Variants in L3MBTL4 observed in about 807,000 individuals in gnomAD.
The protein encoded by L3MBTL4 is lethal(3)malignant brain tumor-like protein 4.
L3MBTL4 carries 70 observed loss-of-function variants against 84.5 expected under a neutral mutation model. The ratio of observed to expected loss-of-function variants is 0.83; its 90% CI spans 0.68 to 1.01. L3MBTL4 has a LOEUF of 1.01. Ranked by LOEUF, L3MBTL4 falls within the 50% of genes least tolerant of loss-of-function variation. The probability of loss-of-function intolerance (pLI) is 0.00; values close to 1 mark genes in which losing one functional copy is unlikely to be tolerated. For missense variants in L3MBTL4, 715 were observed against 754.8 expected, an observed-to-expected ratio of 0.95 and a Z score of 0.62; for synonymous variants, 274 against 259.8, an observed-to-expected ratio of 1.05 and a Z score of -0.52.
At chr18:5,974,610 G>A (rs766175672) in intron 16 of L3MBTL4, among the ~76,000 whole-genome samples, 2 of 152,130 alleles carry the variant, frequency 1.3e-5, no homozygotes, top group African/African-American at 4.8e-5. Context: ...CCAGTGAAAC[G>A]ACCAAACAGA....
chr18:6,118,562 A>C (rs1472835708), intron 14 of L3MBTL4, among the ~76,000 whole-genome samples: 1 of 152,196 alleles, frequency 6.6e-6, no homozygotes, highest in Non-Finnish European at 1.5e-5. Flanking sequence ...AAGAAAAAAA[A>C]CTCAGAGAAA....
At chr18:6,400,120 T>G (rs373624648) in intron 1 of L3MBTL4, among the ~76,000 whole-genome samples, 3 of 152,368 alleles carry the variant, frequency 2.0e-5, no homozygotes, top group South Asian at 4.1e-4. Flanking sequence ...GTCGAAAATT[T>G]AAAGTTAGGA....
rs1225955892 is a variant in L3MBTL4 at position 6,220,571 on chromosome 18, T to C, written c.785-4736A>G. Among the ~76,000 whole-genome samples, 5 of 152,206 alleles carry C rather than the reference T, an allele frequency of 3.3e-5. No homozygotes were observed. The South Asian group carries it at 1.0e-3, about 31-fold the overall frequency. ...CCTAACCCCATTACTTGCCTTATTC[T>C]TCTCCACAGCACTTATTGACACCTA... On this transcript the variant is annotated intron_variant, in intron 10 of 18. Transcript: ENST00000317931.
chr18:6,348,214 T>C (rs766695200), intron 1 of L3MBTL4, among the ~76,000 whole-genome samples: 2 of 152,048 alleles, frequency 1.3e-5, no homozygotes, highest in African/African-American at 2.4e-5. Context: ...AGGTGACAAT[T>C]ATGCCCAAAC....
At chr18:6,337,426 T>G (rs1007066991) in intron 1 of L3MBTL4, among the ~76,000 whole-genome samples, 1 of 152,116 alleles carries the variant, frequency 6.6e-6, no homozygotes, top group African/African-American at 2.4e-5. Context: ...AAGCAATGTA[T>G]AGTAATGAGA....
At chr18:6,172,110 G>A (rs1275182516) in intron 12 of L3MBTL4, among the ~76,000 whole-genome samples, 168 bp from the exon 13 acceptor site, 1 of 152,130 alleles carries the variant, frequency 6.6e-6, no homozygotes, top group East Asian at 1.9e-4. Context: ...TTCTAATCCA[G>A]CCAACAAAGG....
chr18:6,221,644 C>T (rs1272111403), intron 10 of L3MBTL4, among the ~76,000 whole-genome samples: 1 of 152,172 alleles, frequency 6.6e-6, no homozygotes, highest in Admixed American at 6.5e-5. Flanking sequence ...ACTGAGTGCT[C>T]TAGGCTGCTG....
At position 6,106,173 on chromosome 18, in the gene L3MBTL4, T is replaced by C. The variant is rs576106373; in HGVS notation, c.1200-12645A>G. 5.3e-5 allele frequency among the ~76,000 whole-genome samples: 8 copies of C among 152,342 alleles called. 1 individual carries two copies. The South Asian group carries it at 1.7e-3, about 32-fold the overall frequency. ...AGATAGGACTGAATCCCCAGGCAGC[T>C]TGATGCCAGGGTCTAGTCTTTTAAC... On this transcript the variant is annotated intron_variant, in intron 14 of 18. Transcript: ENST00000317931.
intron 16 of L3MBTL4, among the ~76,000 whole-genome samples, chr18:6,021,381 A>G (rs551059663): frequency 4.1e-4 from 62 of 152,344 alleles, no homozygotes; most frequent in African/African-American, 1.4e-3. Context: ...GCCAATAAAT[A>G]TATCTGAAGG....
At position 6,244,522 on chromosome 18, in the gene L3MBTL4, G is replaced by C; in HGVS notation, c.286C>G (p.Arg96Gly). ...IGMRLEGIDP[R>G]HPSVFCVLSV... ...AGCACACAGAATACCGATGGATGTCGGGGATCAATGCCTTCTAATCTCATT... is the reference window on the plus strand; with the variant it reads ...AGCACACAGAATACCGATGGATGTCCGGGATCAATGCCTTCTAATCTCATT... The change falls in exon 6 of 19, where the codon CGA (arginine) becomes GGA (glycine). Residue 96 changes from arginine (R) to glycine (G), a missense_variant. By Grantham distance (125) the Arg-to-Gly change is moderately radical. Coordinates refer to ENST00000317931, the MANE Select transcript of L3MBTL4 (RefSeq NM_001330559.2). 1 of 1,613,680 alleles carries C rather than the reference G, an allele frequency of 6.2e-7. No homozygotes were observed. The highest frequency in any genetic ancestry group is 1.7e-5 in the Admixed American group (1 of 60,002).
chr18:6,048,067 C>T (rs2056695807), intron 16 of L3MBTL4, among the ~76,000 whole-genome samples: 1 of 152,120 alleles, frequency 6.6e-6, no homozygotes, highest in South Asian at 2.1e-4. Flanking sequence ...TTTCAGGATG[C>T]AAAAACCAAT....
intron 3 of L3MBTL4, among the ~76,000 whole-genome samples, chr18:6,304,686 T>C (rs2050504550): frequency 6.6e-6 from 1 of 152,244 alleles, no homozygotes; most frequent in Admixed American, 6.5e-5. Flanking sequence ...GATGAACTCC[T>C]GTCTTGGGTC....
intron 16 of L3MBTL4, among the ~76,000 whole-genome samples, chr18:6,011,834 T>C (rs567440088): frequency 6.6e-5 from 10 of 152,276 alleles, no homozygotes; most frequent in Non-Finnish European, 1.3e-4. Context: ...AACACAAATA[T>C]ATAGTAAAAA....
chr18:6,284,265 A>T (rs926372513), intron 4 of L3MBTL4, among the ~76,000 whole-genome samples: 4 of 152,216 alleles, frequency 2.6e-5, no homozygotes, highest in Non-Finnish European at 5.9e-5. Context: ...TACACGCTGA[A>T]ATAACAGCAA....
rs141634982 is a variant in L3MBTL4, at chr18:6,288,114, G to A, written c.127+13789C>T. On this transcript the variant is annotated intron_variant, in intron 4 of 18. Transcript: ENST00000317931. Reference sequence around the variant, plus strand: ...TCAGAAAAATAATCTGGATCCAACTGTCTTTATATTATAAACTGGTGAGTG... The same window carrying A: ...TCAGAAAAATAATCTGGATCCAACTATCTTTATATTATAAACTGGTGAGTG... Among the ~76,000 whole-genome samples, 687 of 152,292 alleles carry A rather than the reference G, an allele frequency of 4.5e-3. 7 individuals carry two copies. The highest frequency in any genetic ancestry group is 0.015 in the African/African-American group (641 of 41,560).
intron 16 of L3MBTL4, among the ~76,000 whole-genome samples, chr18:6,005,662 C>T (rs12456878): frequency 0.04 from 6,016 of 152,212 alleles, 167 homozygotes; most frequent in South Asian, 0.074. Flanking sequence ...CTGCAAAGGA[C>T]GTGACTTCAT....
chr18:5,994,676 C>T (rs1369853967), intron 16 of L3MBTL4, among the ~76,000 whole-genome samples: 2 of 152,134 alleles, frequency 1.3e-5, no homozygotes, highest in Non-Finnish European at 2.9e-5. Context: ...CAGACTGCCT[C>T]CAGCGACAGA....
intron 15 of L3MBTL4, among the ~76,000 whole-genome samples, chr18:6,089,999 T>C (rs1015648448): frequency 1.2e-4 from 19 of 152,202 alleles, no homozygotes; most frequent in African/African-American, 4.3e-4. Flanking sequence ...AGGTTATGTA[T>C]GTGCAAACTA....
intron 16 of L3MBTL4, among the ~76,000 whole-genome samples, chr18:6,032,434 A>G (rs1399129757): frequency 6.6e-6 from 1 of 151,530 alleles, no homozygotes; most frequent in African/African-American, 2.4e-5. Context: ...TCAAAATAAT[A>G]CAGGTCGAGG....
Sources: allele counts gnomAD v4.1 joint callset (sites outside exome capture counted in the v4.1 genomes callset), GRCh38; gene constraint gnomAD v4.1.1; transcripts MANE v1.5; gene names NCBI Gene and HGNC (gene_info 2026-07-23, HGNC 2026-07-21).